The following FLT1 variants were observed in gnomAD, a reference collection of about 807,000 sequenced individuals.
The protein encoded by FLT1 is vascular endothelial growth factor receptor 1.
FLT1 carries 49 observed loss-of-function variants against 156.3 expected under a neutral mutation model. That is an observed-to-expected ratio of 0.31 (90% CI 0.25 to 0.40). FLT1 has a LOEUF of 0.40. FLT1 is among the 10% of genes least tolerant of loss of function. The pLI is 1.00. For missense variants in FLT1, 1,322 were observed against 1,637.2 expected (o/e 0.81, Z 3.32); for synonymous variants, 594 against 583.8 (o/e 1.02, Z -0.25).
Position 28,439,254 on chromosome 13 carries a change from A to T in FLT1, c.389-909T>A, listed in dbSNP as rs1290661443. ...ATCCTCAGGCAACGATCTCTTCGGG[A>T]GTCATTGTGTTCTGATCGTCCCGCA... is the stretch of plus-strand genomic sequence containing the variant. On this transcript the variant is annotated intron_variant, in intron 3 of 29. Transcript: ENST00000282397. The surrounding 1 kb of genome is among the most constrained non-coding windows in gnomAD (Gnocchi z 4.1). 6.6e-6 allele frequency among the ~76,000 whole-genome samples: 1 copy of T among 152,102 alleles called. No individual in the cohort carries two copies. The highest frequency in any genetic ancestry group is 1.5e-5 in the Non-Finnish European group (1 of 68,034).
chr13:28,418,873 C>G (rs1566016988), intron 10 of FLT1, among the ~76,000 whole-genome samples: 1 of 152,050 alleles, frequency 6.6e-6, no homozygotes, highest in Non-Finnish European at 1.5e-5. Flanking sequence ...GTACCCAGCC[C>G]TCCCCCTTTA....
chr13:28,380,238 T>A (rs1874019511), intron 14 of FLT1, among the ~76,000 whole-genome samples: 1 of 152,200 alleles, frequency 6.6e-6, no homozygotes. Context: ...AATTGGCGAA[T>A]CAGGGATTAT....
chr13:28,325,462 G>A lies in FLT1; in HGVS notation c.2796+2000C>T, dbSNP rs147530532. On this transcript the variant is annotated intron_variant, in intron 20 of 29. Transcript: ENST00000282397. Reference sequence around the variant, plus strand: ...AGCGAATCACTTGACTTCTCTGAACGCATCTGCAGCCTGCGAGTGTGAACC... The same window carrying A: ...AGCGAATCACTTGACTTCTCTGAACACATCTGCAGCCTGCGAGTGTGAACC... Among the ~76,000 whole-genome samples, 470 of 152,188 alleles carry A rather than the reference G, an allele frequency of 3.1e-3. 13 individuals carry two copies. The highest frequency in any genetic ancestry group is 5.4e-4 in the Non-Finnish European group (37 of 68,026).
chr13:28,301,047 C>G lies in FLT1; in HGVS notation c.*2120G>C. On this transcript the variant is annotated 3_prime_UTR_variant, in exon 30 of 30. Transcript: ENST00000282397. ...CTGAGTAACAATTCTAATGGTTTTG[C>G]TTTTCTCTTGAAAAGGAGTATTTAT... The G allele has an allele frequency of 4.3e-6, 1 of 232,316 alleles. No homozygotes were observed. Among genetic ancestry groups the G allele is most frequent in the East Asian group, 6.1e-5 (1 of 16,444 alleles). 14.4% of individuals were successfully genotyped at this position (232,316 alleles called of 1,614,324 possible).
chr13:28,372,137 A>C (rs139283423), intron 14 of FLT1, among the ~76,000 whole-genome samples: 1 of 133,650 alleles, frequency 7.5e-6, no homozygotes, highest in Non-Finnish European at 1.5e-5. Context: ...GCTGAACTGC[A>C]GTGGAGCCAT....
At chr13:28,346,304 T>C (rs1176575215) in intron 15 of FLT1, 1 of 152,276 alleles carries the variant, frequency 6.6e-6, no homozygotes, top group Non-Finnish European at 1.5e-5. Context: ...AAGCCATGCC[T>C]CCAGAGAGGG....
intron 1 of FLT1, among the ~76,000 whole-genome samples, chr13:28,468,036 T>A (rs1218729846): frequency 6.6e-6 from 1 of 152,216 alleles, no homozygotes; most frequent in Non-Finnish European, 1.5e-5. Flanking sequence ...CCAGTGTGGG[T>A]CATCTAGTCC....
chr13:28,301,356 G>A lies in FLT1; in HGVS notation c.*1811C>T, dbSNP rs1160712987. ...TGCTTTTGTTTGGATTTAGATCTTG[G>A]TGGAGAGGACTGTCCCACTCCTCTC... On this transcript the variant is annotated 3_prime_UTR_variant, in exon 30 of 30. Coordinates refer to ENST00000282397, the MANE Select transcript of FLT1 (RefSeq NM_002019.4). 1 of 232,994 alleles carries A rather than the reference G, an allele frequency of 4.3e-6. No homozygotes were observed. Among genetic ancestry groups the A allele is most frequent in the Non-Finnish European group, 8.5e-6 (1 of 117,978 alleles). 14.4% of individuals were successfully genotyped at this position (232,994 alleles called of 1,614,324 possible).
chr13:28,438,065 T>C (rs2137560467), intron 4 of FLT1, among the ~76,000 whole-genome samples, 156 bp downstream of exon 4: 1 of 152,358 alleles, frequency 6.6e-6, no homozygotes, highest in East Asian at 1.9e-4. Context: ...ACATAACTTC[T>C]AGCACTATTC....
intron 1 of FLT1, among the ~76,000 whole-genome samples, chr13:28,479,049 G>A (rs1256440156): frequency 6.6e-6 from 1 of 152,130 alleles, no homozygotes; most frequent in Non-Finnish European, 1.5e-5. Flanking sequence ...AAATTATATA[G>A]AAAACATCTT....
rs141178326 is a variant in FLT1 at position 28,340,849 on chromosome 13, A to G, written c.2356-1549T>C. On this transcript the variant is annotated intron_variant, in intron 16 of 29. Coordinates refer to ENST00000282397, the MANE Select transcript of FLT1 (RefSeq NM_002019.4). ...CATAAAGGATGAGAAGCAAAAAACGATATGGAGCACGTTTGTCACAAACTG... is the reference window on the plus strand; with the variant it reads ...CATAAAGGATGAGAAGCAAAAAACGGTATGGAGCACGTTTGTCACAAACTG... Among the ~76,000 whole-genome samples the G allele has an allele frequency of 6.5e-3, 980 of 150,512 alleles. 10 individuals are homozygous for G. Among genetic ancestry groups the G allele is most frequent in the African/African-American group, 0.023 (948 of 41,144 alleles).
intron 4 of FLT1, among the ~76,000 whole-genome samples, chr13:28,435,877 G>GA (rs146636721): frequency 0.018 from 2,730 of 151,984 alleles, 85 homozygotes; most frequent in African/African-American, 0.063. Flanking sequence ...CAGTCGGTGG[G>GA]AAAAAAAGAA....
chr13:28,330,166 C>T lies in FLT1; in HGVS notation c.2594-438G>A, dbSNP rs1054607989. On this transcript the variant is annotated intron_variant, in intron 18 of 29. Transcript: ENST00000282397. ...AAGGAGCACAAGGGGCCTGCCAGGGCAGAATGGCTACTGTTGTAAACATCT... is the reference window on the plus strand; with the variant it reads ...AAGGAGCACAAGGGGCCTGCCAGGGTAGAATGGCTACTGTTGTAAACATCT... 3.3e-5 allele frequency among the ~76,000 whole-genome samples: 5 copies of T among 152,384 alleles called. No homozygotes were observed. The East Asian group carries it at 9.6e-4, about 29-fold the overall frequency.
rs1593708962 is a variant in FLT1 at position 28,361,825 on chromosome 13, G to A, written c.2117-4140C>T. 2.0e-5 allele frequency among the ~76,000 whole-genome samples: 3 copies of A among 152,284 alleles called. No homozygotes were observed. In the South Asian group the frequency reaches 6.2e-4, roughly 32 times the overall value. On this transcript the variant is annotated intron_variant, in intron 14 of 29. Transcript: ENST00000282397. The stretch of plus-strand genomic sequence containing the variant: ...CTGTTTTGAGTAGGTGACTGGAAAA[G>A]GTGAATTCAGATTAAGGAGAGCTTT...
chr13:28,475,366 T>C (rs1880481814), intron 1 of FLT1, among the ~76,000 whole-genome samples: 1 of 152,244 alleles, frequency 6.6e-6, no homozygotes, highest in Admixed American at 6.5e-5. Flanking sequence ...TGATTTTGCA[T>C]ACTGTGTTTT....
chr13:28,395,446 G>T (rs1874986506), intron 12 of FLT1, among the ~76,000 whole-genome samples: 1 of 152,154 alleles, frequency 6.6e-6, no homozygotes, highest in Non-Finnish European at 1.5e-5. Context: ...TGTGTCAGAG[G>T]AACTGAAGCA....
chr13:28,302,681 CTTTT>C lies in FLT1; in HGVS notation c.*482_*485del. 1 of 235,478 alleles carries C rather than the reference CTTTT, an allele frequency of 4.2e-6. No individual in the cohort carries two copies. Among genetic ancestry groups the C allele is most frequent in the Non-Finnish European group, 8.4e-6 (1 of 119,614 alleles). 14.6% of individuals were successfully genotyped at this position (235,478 alleles called of 1,614,324 possible). A position where few individuals can be genotyped will look rare whatever the true frequency, so the allele number is the denominator to read the frequency against. On this transcript the variant is annotated 3_prime_UTR_variant, in exon 30 of 30. Coordinates refer to ENST00000282397, the MANE Select transcript of FLT1 (RefSeq NM_002019.4). ...TTTCTCTTTTCTCCCTTGCTTTTTG[CTTTT>C]TTTCCTTTTCCTCCTCACATGTCTT...
intron 14 of FLT1, among the ~76,000 whole-genome samples, chr13:28,359,911 G>C (rs1460406887): frequency 2.0e-5 from 3 of 152,164 alleles, no homozygotes; most frequent in African/African-American, 7.2e-5. Flanking sequence ...AAGAGTTCAA[G>C]ACCAGCCTCG....
intron 18 of FLT1, among the ~76,000 whole-genome samples, chr13:28,332,718 A>G (rs1463461034): frequency 6.6e-6 from 1 of 152,202 alleles, no homozygotes. Flanking sequence ...TTTCTTGGCC[A>G]TGTTTCCTCA....
Sources: gnomAD v4.1 joint callset for allele counts (sites outside exome capture counted in the v4.1 genomes callset) on GRCh38, gnomAD v4.1.1 for gene constraint, Gnocchi (gnomAD v3.1) non-coding constraint, MANE v1.5 for transcripts, NCBI Gene and HGNC (gene_info 2026-07-23, HGNC 2026-07-21) for gene names.